Variants in HYAL1 observed in about 807,000 individuals in gnomAD.
The protein encoded by HYAL1 is hyaluronidase 1.
A neutral mutation model predicts 28.8 loss-of-function variants in HYAL1; 21 were observed. The observed-to-expected ratio is 0.73, with a 90% CI of 0.52 to 1.05. The LOEUF is 1.05. HYAL1 is among the 50% of genes least tolerant of loss of function. The pLI is 0.00. For synonymous variants in HYAL1, 200 were observed against 230.1 expected (o/e 0.87, Z 1.18); for missense variants, 491 against 579.2 (o/e 0.85, Z 1.56).
chr3:50,301,092 G>C lies in HYAL1; in HGVS notation c.901-15C>G. ...TCCAGCTCATCCTGGGAAGGAGACAGCACAGCTCTGTGGGGCCTCCTTCCC... is the reference window on the plus strand; with the variant it reads ...TCCAGCTCATCCTGGGAAGGAGACACCACAGCTCTGTGGGGCCTCCTTCCC... On this transcript the variant is annotated splice_polypyrimidine_tract_variant and intron_variant, in intron 2 of 3. Transcript: ENST00000395144. 1 of 1,567,530 alleles carries C rather than the reference G, an allele frequency of 6.4e-7. No individual in the cohort carries two copies. Among genetic ancestry groups the C allele is most frequent in the Non-Finnish European group, 8.8e-7 (1 of 1,138,446 alleles).
intron 1 of HYAL1, among the ~76,000 whole-genome samples, chr3:50,311,346 C>A (rs1416401475): frequency 9.8e-6 from 1 of 101,542 alleles, no homozygotes; most frequent in Admixed American, 9.5e-5. Context: ...CCGGACGGGG[C>A]GGCTGGCCGG....
upstream of HYAL1, chr3:50,303,938 C>G (rs1702273469): frequency 6.6e-6 from 1 of 152,054 alleles, no homozygotes; most frequent in African/African-American, 2.4e-5. Context: ...ACTTTACTTT[C>G]GTGGATCTTT....
intron 1 of HYAL1, among the ~76,000 whole-genome samples, chr3:50,310,757 G>A (rs1477275608): frequency 2.7e-5 from 4 of 150,750 alleles, no homozygotes; most frequent in African/African-American, 7.4e-5. Context: ...GCCTTCCGCA[G>A]TGTTTGTGTC....
At chr3:50,311,897 G>A (rs1702471507) in intron 1 of HYAL1, among the ~76,000 whole-genome samples, 1 of 139,936 alleles carries the variant, frequency 7.1e-6, no homozygotes, top group Non-Finnish European at 1.5e-5. Flanking sequence ...GCGGGGGGCT[G>A]ATCCCCCCTC....
chr3:50,301,056 C>T lies in HYAL1; in HGVS notation c.922G>A (p.Gly308Arg), dbSNP rs782621549. ...GCTGCCCCCTGGGCCGCACTCTCCC[C>T]CAGGCTGTGCTCCAGCTCATCCTGG... ...LPLDELEHSL[G>R]ESAAQGAAGV... Residue 308 changes from glycine to arginine, a missense_variant, in exon 3 of 4, where the codon GGG (glycine) becomes AGG (arginine). Physicochemically the swap from Gly to Arg is moderately radical, Grantham distance 125. Coordinates refer to ENST00000395144, the MANE Select transcript of HYAL1 (RefSeq NM_033159.4). The T allele has an allele frequency of 6.2e-7, 1 of 1,613,260 alleles. No homozygotes were observed. Among genetic ancestry groups the T allele is most frequent in the South Asian group, 1.1e-5 (1 of 91,048 alleles).
At chr3:50,309,018 C>T (rs1267670818) in intron 2 of HYAL1, among the ~76,000 whole-genome samples, 2 of 151,216 alleles carry the variant, frequency 1.3e-5, no homozygotes, top group African/African-American at 4.9e-5. Context: ...CGTGAGCCAC[C>T]GTGCCTGGCC....
At chr3:50,305,364 C>T (rs1274021719), upstream of HYAL1, among the ~76,000 whole-genome samples, 4 of 152,034 alleles carry the variant, frequency 2.6e-5, no homozygotes, top group Non-Finnish European at 5.9e-5. Flanking sequence ...CTGCCTCAGC[C>T]TCCCGAGTAG....
Position 50,300,593 on chromosome 3 carries a change from G to T in HYAL1, c.1198C>A (p.Leu400Met). ...QLTPGGGPLS[L>M]RGALSLEDQA... Reference sequence around the variant, plus strand: ...TCTTCAAGTGAGAGGGCACCCCGCAGGCTCAGGGGCCCACCACCAGGCGTG... The same window carrying T: ...TCTTCAAGTGAGAGGGCACCCCGCATGCTCAGGGGCCCACCACCAGGCGTG... The change falls in exon 4 of 4, where the codon CTG becomes ATG. Residue 400 changes from leucine to methionine, a missense_variant. Coordinates refer to ENST00000395144, the MANE Select transcript of HYAL1 (RefSeq NM_033159.4). The T allele has an allele frequency of 6.2e-7, 1 of 1,614,216 alleles. No individual in the cohort carries two copies. Among genetic ancestry groups the T allele is most frequent in the Non-Finnish European group, 8.5e-7 (1 of 1,180,036 alleles).
rs141770421 is a variant in HYAL1 at position 50,302,371 on chromosome 3, G to A, written c.586C>T (p.Arg196Cys). 63 of 1,613,698 alleles carry A rather than the reference G, an allele frequency of 3.9e-5. No homozygotes were observed. Among genetic ancestry groups the A allele is most frequent in the Admixed American group, 1.2e-4 (7 of 60,002 alleles). Residue 196 changes from arginine to cysteine, a missense_variant, in exon 2 of 4, where the codon CGC (arginine) becomes TGC (cysteine). Physicochemically the swap from Arg to Cys is radical, Grantham distance 180. Coordinates refer to ENST00000395144, the MANE Select transcript of HYAL1 (RefSeq NM_033159.4). This position sits in a 1 kb window ranked among gnomAD's most constrained non-coding sequence, Gnocchi z 5.0. ...AAGCCATAGAAGCCCCAGAGGCCGC[G>A]AGGACGCAGTGCCCGCCCCAGCTGG... is the stretch of plus-strand genomic sequence containing the variant. Reference protein sequence around the residue: ...TLQLGRALRPRGLWGFYGFPD... With the variant: ...TLQLGRALRPCGLWGFYGFPD...
At chr3:50,304,793 C>G (rs1156241901), upstream of HYAL1, among the ~76,000 whole-genome samples, 2 of 152,014 alleles carry the variant, frequency 1.3e-5, no homozygotes, top group Non-Finnish European at 2.9e-5. Context: ...CATTTAGTGA[C>G]CATCTGAGCC....
chr3:50,308,294 T>C (rs1702378098), upstream of HYAL1, among the ~76,000 whole-genome samples: 2 of 150,624 alleles, frequency 1.3e-5, no homozygotes, highest in Non-Finnish European at 2.9e-5. Flanking sequence ...ACCTGGCTAA[T>C]TTTTGTATTT....
In HYAL1 at chr3:50,300,594, G is replaced by C; in HGVS notation, c.1197C>G (p.Ser399Arg). 1 of 1,614,222 alleles carries C rather than the reference G, an allele frequency of 6.2e-7. No homozygotes were observed. Residue 399 changes from serine to arginine, a missense_variant, in exon 4 of 4, where the codon AGC becomes AGG. By Grantham distance (110) the Ser-to-Arg change is moderately radical (BLOSUM62 -1). Coordinates refer to ENST00000395144, the MANE Select transcript of HYAL1 (RefSeq NM_033159.4). Reference protein sequence around the residue: ...IQLTPGGGPLSLRGALSLEDQ... With the variant: ...IQLTPGGGPLRLRGALSLEDQ... ...CTTCAAGTGAGAGGGCACCCCGCAG[G>C]CTCAGGGGCCCACCACCAGGCGTGA...
chr3:50,311,151 G>A (rs1444557305), intron 1 of HYAL1, among the ~76,000 whole-genome samples: 1 of 151,642 alleles, frequency 6.6e-6, no homozygotes, highest in Non-Finnish European at 1.5e-5. Flanking sequence ...CGGGCAGAGG[G>A]GCTCCTCACT....
rs1029776116 is a variant in HYAL1 at position 50,302,121 on chromosome 3, G to C, written c.836C>G (p.Pro279Arg). The C allele has an allele frequency of 3.7e-6, 6 of 1,614,186 alleles. No individual in the cohort carries two copies. The East Asian group carries it at 1.3e-4, about 36-fold the overall frequency. Residue 279 changes from proline (P) to arginine (R), a missense_variant, in exon 2 of 4, where the codon CCC becomes CGC. Transcript: ENST00000395144. The surrounding 1 kb of genome is among the most constrained non-coding windows in gnomAD (Gnocchi z 5.0). ...AFRVAVAAGD[P>R]NLPVLPYVQI... The stretch of plus-strand genomic sequence containing the variant: ...GACATAGGGCAGCACCGGCAGATTG[G>C]GGTCACCAGCAGCCACAGCCACACG...
At position 50,300,386 on chromosome 3, in the gene HYAL1, G is replaced by T; in HGVS notation, c.*97C>A. On this transcript the variant is annotated 3_prime_UTR_variant, in exon 4 of 4. Transcript: ENST00000395144. Reference sequence around the variant, plus strand: ...AGTGGCTGAGTGTACTCTTTACTGTGACCATGACTTGTATGACTGTGCATG... The same window carrying T: ...AGTGGCTGAGTGTACTCTTTACTGTTACCATGACTTGTATGACTGTGCATG... 8.1e-7 allele frequency: 1 copy of T among 1,230,310 alleles called. No homozygotes were observed. The allele number at this position is 1,230,310 out of a possible 1,614,324, so 76.2% of individuals were successfully genotyped here.
upstream of HYAL1, among the ~76,000 whole-genome samples, chr3:50,305,935 G>C (rs1432814833): frequency 6.6e-6 from 1 of 151,492 alleles, no homozygotes; most frequent in Non-Finnish European, 1.5e-5. Context: ...AGGACTTCCT[G>C]AGGCTGTGTC....
upstream of HYAL1, among the ~76,000 whole-genome samples, chr3:50,305,655 C>A (rs1399393190): frequency 6.6e-6 from 1 of 151,116 alleles, no homozygotes; most frequent in Non-Finnish European, 1.5e-5. Flanking sequence ...CCTGCCTCAG[C>A]CTCCAGAGTA....
chr3:50,300,420 GAAGC>G lies in HYAL1; in HGVS notation c.*59_*62del. ...TTGTATGACTGTGCATGTATTTGAG[GAAGC>G]CCTGGCCAGACCCAGAGTGCATTAG... On this transcript the variant is annotated 3_prime_UTR_variant, in exon 4 of 4. Coordinates refer to ENST00000395144, the MANE Select transcript of HYAL1 (RefSeq NM_033159.4). The G allele has an allele frequency of 6.5e-7, 1 of 1,532,756 alleles. No individual in the cohort carries two copies. Among genetic ancestry groups the G allele is most frequent in the Non-Finnish European group, 9.0e-7 (1 of 1,107,128 alleles). The allele number at this position is 1,532,756 out of a possible 1,614,324, so 94.9% of individuals were successfully genotyped here.
At chr3:50,306,219 C>CTTTT (rs1173166946), upstream of HYAL1, among the ~76,000 whole-genome samples, 31 of 84,388 alleles carry the variant, frequency 3.7e-4, 1 homozygote, top group East Asian at 5.9e-3. Flanking sequence ...CTGTACAACT[C>CTTTT]TTTTTTTTTT....
Sources: allele counts gnomAD v4.1 joint callset (sites outside exome capture counted in the v4.1 genomes callset), GRCh38; gene constraint gnomAD v4.1.1; non-coding constraint Gnocchi (gnomAD v3.1); transcripts MANE v1.5; gene names NCBI Gene and HGNC (gene_info 2026-07-23, HGNC 2026-07-21).